The following TBC1D5 variants were observed in gnomAD, a reference collection of about 807,000 sequenced individuals.
The protein encoded by TBC1D5 is TBC1 domain family member 5.
TBC1D5 carries 75 observed loss-of-function variants against 100.3 expected under a neutral mutation model. The observed-to-expected ratio is 0.75, with a 90% CI of 0.62 to 0.91. The LOEUF (loss-of-function observed/expected upper bound fraction) is 0.91, where lower values mean the gene tolerates loss of function less well. Among genes scored for constraint, TBC1D5 ranks in the 40% least tolerant of loss-of-function variants. The probability of loss-of-function intolerance (pLI) is 0.00; values close to 1 mark genes in which losing one functional copy is unlikely to be tolerated. For synonymous variants in TBC1D5, 323 were observed against 325.6 expected (o/e 0.99, Z 0.09); for missense variants, 910 against 942.4 (o/e 0.97, Z 0.45).
exon 17 of TBC1D5, chr3:17,238,372 C>T (rs780362030): frequency 1.9e-6 from 3 of 1,613,650 alleles, no homozygotes; most frequent in African/African-American, 2.7e-5. Context: ...ATTAATCAGG[C>T]TATTAGAGAC....
intron 13 of TBC1D5, among the ~76,000 whole-genome samples, chr3:17,346,253 C>A (rs1366575977): frequency 1.3e-5 from 2 of 152,112 alleles, no homozygotes; most frequent in Non-Finnish European, 2.9e-5. Flanking sequence ...ATGAAACCTT[C>A]CAAATATGGG....
At chr3:17,302,152 TC>T (rs963167353) in intron 14 of TBC1D5, among the ~76,000 whole-genome samples, 1 of 152,176 alleles carries the variant, frequency 6.6e-6, no homozygotes, top group Non-Finnish European at 1.5e-5. Flanking sequence ...GCATGTTTCT[TC>T]TGAAGAGGAA....
At chr3:17,410,437 G>A (rs1270781867) in intron 4 of TBC1D5, among the ~76,000 whole-genome samples, 1 of 152,178 alleles carries the variant, frequency 6.6e-6, no homozygotes. Flanking sequence ...GAAGTGGGGA[G>A]TCATTTCTAA....
Position 17,679,527 on chromosome 3 carries a change from TAAAAG to T in TBC1D5, c.-100-55619_-100-55615del, listed in dbSNP as rs564747307. On this transcript the variant is annotated intron_variant, in intron 1 of 21. Transcript: ENST00000253692. The stretch of plus-strand genomic sequence containing the variant: ...ACAAATCTTAAATTAACTTTGCTGT[TAAAAG>T]AAGTCTTAAAATCCTGCTGTGTATT... 1.3e-4 allele frequency among the ~76,000 whole-genome samples: 19 copies of T among 151,660 alleles called. No individual in the cohort carries two copies. In the South Asian group the frequency reaches 3.5e-3, roughly 28 times the overall value.
At chr3:17,315,975 T>C (rs1481163961) in intron 13 of TBC1D5, among the ~76,000 whole-genome samples, 1 of 152,134 alleles carries the variant, frequency 6.6e-6, no homozygotes, top group Non-Finnish European at 1.5e-5. Flanking sequence ...AGGTTGGTCC[T>C]GTGGTGGAAG....
At chr3:17,616,790 C>CA (rs2062203712) in intron 2 of TBC1D5, among the ~76,000 whole-genome samples, 1 of 152,060 alleles carries the variant, frequency 6.6e-6, no homozygotes, top group Non-Finnish European at 1.5e-5. Flanking sequence ...GTCTCTGCAC[C>CA]TGAGATGGGT....
chr3:17,735,809 G>C (rs1055599166), intron 1 of TBC1D5, among the ~76,000 whole-genome samples: 1 of 152,180 alleles, frequency 6.6e-6, no homozygotes, highest in South Asian at 2.1e-4. Context: ...GGTGTGCGAC[G>C]ACAGCAAACA....
intron 8 of TBC1D5, 83 bp downstream of exon 8, chr3:17,403,098 G>A (rs1244333116): frequency 8.4e-7 from 1 of 1,188,404 alleles, no homozygotes; most frequent in Non-Finnish European, 1.2e-6. Context: ...TAAGTTGACT[G>A]CAGATTTTGT....
intron 3 of TBC1D5, among the ~76,000 whole-genome samples, chr3:17,484,959 T>TTA (rs1277089743): frequency 1.3e-5 from 2 of 152,162 alleles, no homozygotes; most frequent in Admixed American, 1.3e-4. Flanking sequence ...ATTCAATGAC[T>TTA]TACTTTTGCA....
intron 13 of TBC1D5, among the ~76,000 whole-genome samples, chr3:17,321,490 C>T (rs1489691141): frequency 1.3e-5 from 2 of 152,134 alleles, no homozygotes; most frequent in African/African-American, 4.8e-5. Flanking sequence ...TTAACTGCTT[C>T]CTTTATTTAT....
rs566436043 is a variant in TBC1D5, at chr3:17,297,277, C to T, written c.1139-5276G>A. Among the ~76,000 whole-genome samples the T allele has an allele frequency of 8.5e-5, 13 of 152,276 alleles. No individual in the cohort carries two copies. In the South Asian group the frequency reaches 1.7e-3, roughly 19 times the overall value. ...GAGGAAATCAAATGAGATGATATAG[C>T]GTAAAAACAATTTTCTTGGCTAGGC... On this transcript the variant is annotated intron_variant, in intron 14 of 21. Coordinates refer to ENST00000253692, the Ensembl canonical transcript of TBC1D5.
intron 3 of TBC1D5, among the ~76,000 whole-genome samples, chr3:17,464,719 C>T (rs1313570018): frequency 1.3e-5 from 2 of 152,134 alleles, no homozygotes; most frequent in African/African-American, 4.8e-5. Context: ...TGAATCATCT[C>T]TTTTTTTCAT....
chr3:17,208,063 A>C (rs771553754), intron 18 of TBC1D5, among the ~76,000 whole-genome samples: 1 of 152,216 alleles, frequency 6.6e-6, no homozygotes, highest in Non-Finnish European at 1.5e-5. Flanking sequence ...AGGATATGGA[A>C]TATCGCTGTA....
At chr3:17,334,479 C>T (rs536893433) in intron 13 of TBC1D5, among the ~76,000 whole-genome samples, 9 of 152,028 alleles carry the variant, frequency 5.9e-5, no homozygotes, top group Non-Finnish European at 8.8e-5. Context: ...ATTTTATAGA[C>T]GAAGCAGTTG....
At chr3:17,722,304 T>C (rs1577795078) in intron 1 of TBC1D5, among the ~76,000 whole-genome samples, 1 of 152,248 alleles carries the variant, frequency 6.6e-6, no homozygotes, top group East Asian at 1.9e-4. Context: ...CAGATTTTTT[T>C]TCAAATTTTT....
At chr3:17,244,529 C>T (rs1031095450) in intron 16 of TBC1D5, among the ~76,000 whole-genome samples, 3 of 151,990 alleles carry the variant, frequency 2.0e-5, no homozygotes, top group Admixed American at 1.3e-4. Context: ...TTTCCCTTCT[C>T]TTTCTTTCAT....
intron 3 of TBC1D5, among the ~76,000 whole-genome samples, chr3:17,438,069 C>G (rs1356733025): frequency 1.3e-5 from 2 of 152,120 alleles, no homozygotes; most frequent in Non-Finnish European, 2.9e-5. Flanking sequence ...GGTGCAGGCT[C>G]CAGATGTTAA....
At chr3:17,386,989 A>G (rs182529510) in intron 8 of TBC1D5, among the ~76,000 whole-genome samples, 2 of 152,264 alleles carry the variant, frequency 1.3e-5, no homozygotes, top group Admixed American at 6.5e-5. Flanking sequence ...CAGACATAGC[A>G]TATCTATGAA....
At chr3:17,434,110 T>C (rs1277723078) in intron 3 of TBC1D5, among the ~76,000 whole-genome samples, 1 of 152,190 alleles carries the variant, frequency 6.6e-6, no homozygotes, top group Non-Finnish European at 1.5e-5. Flanking sequence ...GTCTGCAGCT[T>C]TACCAGGTGC....
Sources: allele counts gnomAD v4.1 joint callset (sites outside exome capture counted in the v4.1 genomes callset), GRCh38; gene constraint gnomAD v4.1.1; transcripts MANE v1.5; gene names NCBI Gene and HGNC (gene_info 2026-07-23, HGNC 2026-07-21).